The following RPS6KC1 variants were observed in gnomAD, a reference collection of about 807,000 sequenced individuals.
RPS6KC1 encodes the protein inactive ribosomal protein S6 kinase delta-1.
A neutral mutation model predicts 103.8 loss-of-function variants in RPS6KC1; 54 were observed. That is an observed-to-expected ratio of 0.52 (90% CI 0.42 to 0.65). The LOEUF (loss-of-function observed/expected upper bound fraction) is 0.65. Ranked by LOEUF, RPS6KC1 falls within the 30% of genes least tolerant of loss-of-function variation. RPS6KC1 has a pLI of 0.00. For synonymous variants in RPS6KC1, 439 were observed against 438.7 expected (o/e 1.00, Z -0.01); for missense variants, 1,151 against 1,253.8 (o/e 0.92, Z 1.24).
chr1:213,693,820 A>G, the RPS6KC1 span, among the ~76,000 whole-genome samples: 7 of 152,184 alleles, frequency 4.6e-5, no homozygotes, highest in Non-Finnish European at 1.0e-4. Flanking sequence ...AGTCAATAAT[A>G]TATTTATCTT....
the RPS6KC1 span, among the ~76,000 whole-genome samples, chr1:213,460,241 T>C: frequency 6.6e-6 from 1 of 152,074 alleles, no homozygotes; most frequent in Non-Finnish European, 1.5e-5. Flanking sequence ...TAAGAACTTG[T>C]TTTATGAATC....
At chr1:213,240,332 AATT>A (rs997367087) in intron 10 of RPS6KC1, among the ~76,000 whole-genome samples, 6 of 152,148 alleles carry the variant, frequency 3.9e-5, no homozygotes, top group African/African-American at 1.4e-4. Flanking sequence ...TGCGTGAAAA[AATT>A]ATTATATAAA....
chr1:213,261,076 C>T (rs2094782439), intron 12 of RPS6KC1, among the ~76,000 whole-genome samples: 1 of 152,178 alleles, frequency 6.6e-6, no homozygotes. Context: ...TCTTCGTTCT[C>T]CTACAATGTG....
chr1:213,679,619 C>T, the RPS6KC1 span, among the ~76,000 whole-genome samples: 8 of 152,194 alleles, frequency 5.3e-5, no homozygotes, highest in Non-Finnish European at 1.2e-4. Flanking sequence ...CCATCATGTT[C>T]CTTCTCAAAT....
the RPS6KC1 span, among the ~76,000 whole-genome samples, chr1:213,861,623 A>G: frequency 1.3e-5 from 2 of 152,200 alleles, no homozygotes; most frequent in African/African-American, 4.8e-5. Flanking sequence ...GCAGATGTGC[A>G]CAGTTTACAG....
chr1:213,860,811 TTTC>T, the RPS6KC1 span, among the ~76,000 whole-genome samples: 1 of 146,544 alleles, frequency 6.8e-6, no homozygotes, highest in South Asian at 2.1e-4. Context: ...CTCTTTTTCT[TTTC>T]TTTTTTTTTT....
At chr1:213,780,659 A>G in the RPS6KC1 span, among the ~76,000 whole-genome samples, 2 of 152,002 alleles carry the variant, frequency 1.3e-5, no homozygotes, top group Admixed American at 1.3e-4. Flanking sequence ...TGAGCTGGAA[A>G]AGAAGAAGGC....
chr1:213,714,243 C>T, the RPS6KC1 span, among the ~76,000 whole-genome samples: 5 of 152,158 alleles, frequency 3.3e-5, no homozygotes, highest in African/African-American at 1.2e-4. Context: ...TTTCCAGAAA[C>T]AGTATTTGGC....
chr1:213,258,809 A>G (rs1415103144), intron 12 of RPS6KC1, among the ~76,000 whole-genome samples: 2 of 152,178 alleles, frequency 1.3e-5, no homozygotes, highest in African/African-American at 4.8e-5. Flanking sequence ...ACCCTTTATA[A>G]AGTCTAAGAG....
intron 14 of RPS6KC1, among the ~76,000 whole-genome samples, chr1:213,268,088 T>C (rs1193799220): frequency 2.0e-5 from 3 of 151,958 alleles, no homozygotes; most frequent in Non-Finnish European, 4.4e-5. Context: ...ACAGACCCTA[T>C]GTAGGAAAAT....
the RPS6KC1 span, among the ~76,000 whole-genome samples, chr1:213,740,292 T>C: frequency 6.6e-6 from 1 of 152,128 alleles, no homozygotes; most frequent in East Asian, 1.9e-4. Context: ...GTAATAGGGC[T>C]TATTAGAAAA....
chr1:213,614,354 C>T, the RPS6KC1 span, among the ~76,000 whole-genome samples: 1 of 152,214 alleles, frequency 6.6e-6, no homozygotes, highest in Non-Finnish European at 1.5e-5. Flanking sequence ...GAGAGTGAAT[C>T]CAGATGACCA....
At chr1:213,052,331 G>A (rs891437437) in intron 1 of RPS6KC1, among the ~76,000 whole-genome samples, 12 of 152,180 alleles carry the variant, frequency 7.9e-5, no homozygotes, top group Non-Finnish European at 1.8e-4. Flanking sequence ...TTTTAATGAG[G>A]AAGAAATAGA....
At chr1:213,354,892 A>G in the RPS6KC1 span, among the ~76,000 whole-genome samples, 1 of 152,216 alleles carries the variant, frequency 6.6e-6, no homozygotes, top group Non-Finnish European at 1.5e-5. Context: ...GGAGGGGAAA[A>G]ATATTCAAAC....
rs183075379 is a variant in RPS6KC1 at position 213,215,528 on chromosome 1, T to C, written c.1045-14969T>C. On this transcript the variant is annotated intron_variant, in intron 8 of 14. Coordinates refer to ENST00000366960, the MANE Select transcript of RPS6KC1 (RefSeq NM_012424.6). ...ATTCAAATTCAGAAAATACAGAGAATGCCACAAAGATACTCCTCGAGAAGA... is the reference window on the plus strand; with the variant it reads ...ATTCAAATTCAGAAAATACAGAGAACGCCACAAAGATACTCCTCGAGAAGA... Among the ~76,000 whole-genome samples the C allele has an allele frequency of 3.9e-4, 60 of 152,076 alleles. No individual in the cohort carries two copies. The East Asian group carries it at 9.7e-3, about 24-fold the overall frequency.
the RPS6KC1 span, among the ~76,000 whole-genome samples, chr1:213,701,497 G>A: frequency 6.6e-6 from 1 of 151,638 alleles, no homozygotes; most frequent in Non-Finnish European, 1.5e-5. Flanking sequence ...TCAAGTATTA[G>A]TTCTTTAAAT....
the RPS6KC1 span, among the ~76,000 whole-genome samples, chr1:213,456,824 C>T: frequency 3.5e-3 from 534 of 152,264 alleles, 2 homozygotes; most frequent in African/African-American, 0.012. Flanking sequence ...CCTTCTCTAC[C>T]TACCCCTTGT....
chr1:213,100,659 C>G (rs2148739827), intron 3 of RPS6KC1, among the ~76,000 whole-genome samples: 1 of 152,268 alleles, frequency 6.6e-6, no homozygotes, highest in East Asian at 1.9e-4. Flanking sequence ...GTGTTTAGCT[C>G]CCACTTAAAA....
the RPS6KC1 span, among the ~76,000 whole-genome samples, chr1:213,387,798 A>G: frequency 2.0e-5 from 3 of 152,222 alleles, no homozygotes; most frequent in African/African-American, 7.2e-5. Flanking sequence ...GGATTTTTAC[A>G]GATGAGGTGA....
Sources: allele counts gnomAD v4.1 joint callset (sites outside exome capture counted in the v4.1 genomes callset), GRCh38; gene constraint gnomAD v4.1.1; transcripts MANE v1.5; gene names NCBI Gene and HGNC (gene_info 2026-07-23, HGNC 2026-07-21).